The following LARP4 variants were observed in gnomAD, a reference collection of about 807,000 sequenced individuals.
LARP4 encodes the protein La ribonucleoprotein 4, also known as la-related protein 4.
In LARP4, 29 loss-of-function variants were observed where a neutral mutation model predicts 92.9. The ratio of observed to expected loss-of-function variants is 0.31; its 90% CI spans 0.23 to 0.43. LARP4 has a LOEUF of 0.43. Ranked by LOEUF, LARP4 falls within the 20% of genes least tolerant of loss-of-function variation. The pLI, the probability that LARP4 is intolerant of heterozygous loss-of-function variation, is 1.00. For missense variants in LARP4, 732 were observed against 860.0 expected, an observed-to-expected ratio of 0.85 and a Z score of 1.86; for synonymous variants, 279 against 284.1, an observed-to-expected ratio of 0.98 and a Z score of 0.18.
In LARP4 at chr12:50,401,021, T is replaced by G; in HGVS notation, c.11T>G (p.Phe4Cys). Residue 4 changes from phenylalanine (F) to cysteine (C), a missense_variant, in exon 1 of 16, where the codon TTC (phenylalanine) becomes TGC (cysteine). Phe to Cys is a radical substitution (Grantham distance 205). Transcript: ENST00000398473. ...TGAGCAGAGGACGACATGTTGCTTT[T>G]CGTGGAGGTGAGTGCATTATGCTAG... MLLFVEQVASKGTG... is the reference protein window; with the variant it reads MLLCVEQVASKGTG... The G allele has an allele frequency of 6.2e-7, 1 of 1,614,116 alleles. No homozygotes were observed. Among genetic ancestry groups the G allele is most frequent in the Non-Finnish European group, 8.5e-7 (1 of 1,180,004 alleles).
rs551447696 is a variant in LARP4, at chr12:50,437,832, A to G, written c.633A>G (p.Pro211=). 1.1e-5 allele frequency: 16 copies of G among 1,519,818 alleles called. No individual in the cohort carries two copies. The East Asian group carries it at 3.4e-4, about 32-fold the overall frequency. The allele number at this position is 1,519,818 out of a possible 1,614,324, so 94.1% of individuals were successfully genotyped here. Residue 211 remains proline (P), a synonymous_variant, in exon 6 of 16, where the codon CCA becomes CCG. Transcript: ENST00000398473. ...VILREIPETT[P]IEEVKGLFKS... is the part of the protein sequence containing the mutation. Reference sequence around the variant, plus strand: ...TTAGAGAGATTCCTGAAACAACACCAATAGAGGTAAATTATTAATAATTGT... The same window carrying G: ...TTAGAGAGATTCCTGAAACAACACCGATAGAGGTAAATTATTAATAATTGT...
chr12:50,414,556 G>A lies in LARP4; in HGVS notation c.19-13206G>A, dbSNP rs189672317. Among the ~76,000 whole-genome samples the A allele has an allele frequency of 3.5e-3, 528 of 152,324 alleles. 7 individuals are homozygous for A. The highest frequency in any genetic ancestry group is 0.032 in the Admixed American group (491 of 15,288). On this transcript the variant is annotated intron_variant, in intron 1 of 15. Coordinates refer to ENST00000398473, the MANE Select transcript of LARP4 (RefSeq NM_052879.5). The stretch of plus-strand genomic sequence containing the variant: ...TGGGTTAGGCGATCCCTCAGCCTCA[G>A]CCTCCAGAAGTGCTGGGATTACAGA...
intron 1 of LARP4, among the ~76,000 whole-genome samples, chr12:50,414,773 C>T (rs1335278255): frequency 3.9e-5 from 6 of 152,084 alleles, no homozygotes; most frequent in Non-Finnish European, 7.4e-5. Context: ...TATAGTATTC[C>T]ACATTAAGAG....
At chr12:50,426,734 T>TGTGTGTGTGTGTGG (rs1473501855) in intron 1 of LARP4, among the ~76,000 whole-genome samples, 1 of 89,038 alleles carries the variant, frequency 1.1e-5, no homozygotes, top group African/African-American at 8.3e-5. Context: ...TGTGTGTGGT[T>TGTGTGTGTGTGTGG]TTTTTTTTTT....
At chr12:50,412,284 C>A (rs376805609) in intron 1 of LARP4, 1 of 186,932 alleles carries the variant, frequency 5.3e-6, no homozygotes, top group Non-Finnish European at 1.0e-5. Flanking sequence ...TTTTTTCCCC[C>A]CCTAAGTACT....
intron 12 of LARP4, among the ~76,000 whole-genome samples, chr12:50,465,248 T>G (rs1469509262): frequency 1.3e-5 from 2 of 151,782 alleles, no homozygotes; most frequent in Non-Finnish European, 2.9e-5. Flanking sequence ...GGTGGGTGCC[T>G]GTAGTCCCAG....
At chr12:50,427,364 A>G (rs1435313067) in intron 1 of LARP4, among the ~76,000 whole-genome samples, 1 of 151,926 alleles carries the variant, frequency 6.6e-6, no homozygotes, top group Non-Finnish European at 1.5e-5. Flanking sequence ...CAGCATTTCT[A>G]TTTTATTTAT....
intron 1 of LARP4, among the ~76,000 whole-genome samples, chr12:50,403,753 C>T (rs1341774841): frequency 1.3e-5 from 2 of 152,140 alleles, no homozygotes; most frequent in African/African-American, 4.8e-5. Context: ...GAGATTCCAG[C>T]TTAACTATCC....
In LARP4 at chr12:50,453,544, A is replaced by G; in HGVS notation, c.889A>G (p.Thr297Ala). ...TAGTATCTATAGTCACCCCATTCAA[A>G]CTCAAGCACAGTATGCCTCCCCAGT... Reference protein sequence around the residue: ...DSSIYSHPIQTQAQYASPVFM... With the variant: ...DSSIYSHPIQAQAQYASPVFM... The change falls in exon 9 of 16, where the codon ACT (threonine) becomes GCT (alanine). Residue 297 changes from threonine (T) to alanine (A), a missense_variant. This residue lies in a region of LARP4 where 264 missense variants were observed against 269.5 expected (regional missense o/e 0.98). Transcript: ENST00000398473. 6.2e-7 allele frequency: 1 copy of G among 1,613,154 alleles called. No individual in the cohort carries two copies. Among genetic ancestry groups the G allele is most frequent in the Non-Finnish European group, 8.5e-7 (1 of 1,179,162 alleles).
chr12:50,432,900 G>C (rs556039313), intron 4 of LARP4, among the ~76,000 whole-genome samples: 1 of 149,764 alleles, frequency 6.7e-6, no homozygotes, highest in African/African-American at 2.4e-5. Flanking sequence ...GTGTCTTATC[G>C]GGGAGACTTG....
In LARP4 at chr12:50,473,622, T is replaced by C. The variant is rs1957177348; in HGVS notation, c.1667+86T>C. 8.7e-5 allele frequency: 124 copies of C among 1,423,216 alleles called. 4 individuals carry two copies. In the South Asian group the frequency reaches 1.5e-3, roughly 17 times the overall value. The allele number at this position is 1,423,216 out of a possible 1,614,324, so 88.2% of individuals were successfully genotyped here. On this transcript the variant is annotated intron_variant, in intron 14 of 15. Coordinates refer to ENST00000398473, the MANE Select transcript of LARP4 (RefSeq NM_052879.5). Reference sequence around the variant, plus strand: ...GGCTCTCACCTGTAATCCCAGCACTTTGGGAGGCCGAGGCAGGTGAATCAC... The same window carrying C: ...GGCTCTCACCTGTAATCCCAGCACTCTGGGAGGCCGAGGCAGGTGAATCAC...
rs747392424 is a variant in LARP4, at chr12:50,429,044, G to C, written c.276G>C (p.Met92Ile). Reference protein sequence around the residue: ...TTGIEESTDGMILGPEDLSYQ... With the variant: ...TTGIEESTDGIILGPEDLSYQ... The stretch of plus-strand genomic sequence containing the variant: ...GCATTGAAGAATCAACTGATGGGAT[G>C]ATTTTAGGACCAGAAGATCTGAGTT... Residue 92 changes from methionine to isoleucine, a missense_variant, in exon 3 of 16, where the codon ATG becomes ATC. Transcript: ENST00000398473. 10 of 1,612,070 alleles carry C rather than the reference G, an allele frequency of 6.2e-6. No individual in the cohort carries two copies. Among genetic ancestry groups the C allele is most frequent in the Non-Finnish European group, 8.5e-6 (10 of 1,179,322 alleles).
At chr12:50,462,553 C>T (rs773682093) in intron 11 of LARP4, 29 bp from the exon 12 acceptor site, 1 of 1,212,948 alleles carries the variant, frequency 8.2e-7, no homozygotes, top group Non-Finnish European at 1.2e-6. Context: ...CTCCACCCCA[C>T]CCCACCCCCA....
rs1461124621 is a variant in LARP4 at position 50,451,412 on chromosome 12, AT to A, written c.805-2047del. 4.6e-5 allele frequency among the ~76,000 whole-genome samples: 7 copies of A among 152,246 alleles called. No individual in the cohort carries two copies. In the East Asian group the frequency reaches 1.4e-3, roughly 29 times the overall value. ...ACAGGATTTCCTTCTTTAAGACTGA[AT>A]GGGTCTGGGCATGGTGGCTCATGCC... On this transcript the variant is annotated intron_variant, in intron 8 of 15. Transcript: ENST00000398473.
chr12:50,461,973 T>C (rs1955460925), intron 11 of LARP4, among the ~76,000 whole-genome samples: 1 of 151,854 alleles, frequency 6.6e-6, no homozygotes, highest in Non-Finnish European at 1.5e-5. Context: ...ATAAATAAAC[T>C]ATAGGGGTGA....
At position 50,440,488 on chromosome 12, in the gene LARP4, G is replaced by C; in HGVS notation, c.689G>C (p.Cys230Ser). 1.2e-6 allele frequency: 2 copies of C among 1,614,016 alleles called. No individual in the cohort carries two copies. Among genetic ancestry groups the C allele is most frequent in the Non-Finnish European group, 1.7e-6 (2 of 1,179,912 alleles). ...GAAAACTGCCCCAAAGTGATAAGCT[G>C]TGAGTTTGCACACAATAGCAACTGG... ...KSENCPKVISCEFAHNSNWYI... is the reference protein window; with the variant it reads ...KSENCPKVISSEFAHNSNWYI... Residue 230 changes from cysteine to serine, a missense_variant, in exon 7 of 16, where the codon TGT (cysteine) becomes TCT (serine). Cys to Ser is a moderately radical substitution (Grantham distance 112). Around this residue, in one of 7 missense-constraint regions of LARP4, gnomAD observed 236 missense variants for 307.6 expected, o/e 0.77. Coordinates refer to ENST00000398473, the MANE Select transcript of LARP4 (RefSeq NM_052879.5).
intron 4 of LARP4, 29 bp downstream of exon 4, chr12:50,430,599 T>TACATCTACTAATAAAATTCA: frequency 7.6e-7 from 1 of 1,316,716 alleles, no homozygotes; most frequent in Non-Finnish European, 1.1e-6. Context: ...TATTGAATTT[T>TACATCTACTAATAAAATTCA]ATTAGTAGAT....
intron 8 of LARP4, among the ~76,000 whole-genome samples, chr12:50,442,494 A>T (rs1389259522): frequency 6.6e-6 from 1 of 152,188 alleles, no homozygotes; most frequent in Non-Finnish European, 1.5e-5. Flanking sequence ...CCCCCTTAAC[A>T]ATCTGTTCTT....
At chr12:50,446,034 G>A (rs1222778045) in intron 8 of LARP4, among the ~76,000 whole-genome samples, 3 of 129,660 alleles carry the variant, frequency 2.3e-5, no homozygotes, top group African/African-American at 2.9e-5. Context: ...ACGGAGTCTC[G>A]CTCTGTCGCC....
Sources: gnomAD v4.1 joint callset for allele counts (sites outside exome capture counted in the v4.1 genomes callset) on GRCh38, gnomAD v4.1.1 for gene constraint, gnomAD v4.1.1 regional missense constraint, MANE v1.5 for transcripts, NCBI Gene and HGNC (gene_info 2026-07-23, HGNC 2026-07-21) for gene names.